DOK6: variants seen among roughly 807,000 people sequenced by gnomAD.
DOK6 encodes the protein downstream of tyrosine kinase 6.
A neutral mutation model predicts 44.0 loss-of-function variants in DOK6; 22 were observed. The ratio of observed to expected loss-of-function variants is 0.50; its 90% CI spans 0.36 to 0.71. DOK6 has a LOEUF of 0.71. DOK6 is among the 30% of genes least tolerant of loss of function. The pLI is 0.00. For missense variants in DOK6, 340 were observed against 416.4 expected (o/e 0.82, Z 1.60); for synonymous variants, 166 against 145.5 (o/e 1.14, Z -1.01).
chr18:69,736,736 T>C (rs946832542), intron 5 of DOK6, among the ~76,000 whole-genome samples: 3 of 152,236 alleles, frequency 2.0e-5, no homozygotes, highest in Non-Finnish European at 4.4e-5. Flanking sequence ...ATTTATAATA[T>C]TAGTTTTATA....
chr18:69,831,168 G>A (rs1368626613), intron 7 of DOK6: 1 of 152,218 alleles, frequency 6.6e-6, no homozygotes, highest in Non-Finnish European at 1.5e-5. Flanking sequence ...AAAGCCAATG[G>A]TGTAGGTCCC....
intron 7 of DOK6, among the ~76,000 whole-genome samples, chr18:69,783,655 A>G (rs1980344582): frequency 6.6e-6 from 1 of 152,074 alleles, no homozygotes; most frequent in African/African-American, 2.4e-5. Context: ...ATCACTTTGG[A>G]TTTGTATTTT....
At chr18:69,792,440 T>A (rs910474772) in intron 7 of DOK6, among the ~76,000 whole-genome samples, 4 of 152,094 alleles carry the variant, frequency 2.6e-5, no homozygotes, top group Admixed American at 2.0e-4. Flanking sequence ...TTACGGTTTT[T>A]TTTGTAGAGA....
intron 4 of DOK6, among the ~76,000 whole-genome samples, chr18:69,679,558 A>G (rs1986000244): frequency 6.6e-6 from 1 of 152,234 alleles, no homozygotes; most frequent in Non-Finnish European, 1.5e-5. Context: ...AGCAGAGTCC[A>G]TAATCATGCT....
rs140913951 is a variant in DOK6 at position 69,730,029 on chromosome 18, G to A, written c.600-8936G>A. 5.1e-3 allele frequency among the ~76,000 whole-genome samples: 775 copies of A among 152,240 alleles called. 5 individuals are homozygous for A. Among genetic ancestry groups the A allele is most frequent in the East Asian group, 9.4e-3 (49 of 5,188 alleles). Reference sequence around the variant, plus strand: ...GCTTAGAGAAAGGATAAATCAATACGGAAGGAAAAGAGGAAGATAATGAAT... The same window carrying A: ...GCTTAGAGAAAGGATAAATCAATACAGAAGGAAAAGAGGAAGATAATGAAT... On this transcript the variant is annotated intron_variant, in intron 5 of 7. Coordinates refer to ENST00000382713, the MANE Select transcript of DOK6 (RefSeq NM_152721.6).
At chr18:69,478,921 T>C (rs8094725) in intron 1 of DOK6, among the ~76,000 whole-genome samples, 36,156 of 152,106 alleles carry the variant, frequency 0.24, 4,619 homozygotes, top group East Asian at 0.53. Flanking sequence ...TTTTCAGTTA[T>C]AGAAAAAGAC....
intron 1 of DOK6, among the ~76,000 whole-genome samples, chr18:69,534,911 A>G (rs1159374279): frequency 6.6e-6 from 1 of 152,082 alleles, no homozygotes; most frequent in African/African-American, 2.4e-5. Context: ...TTTGAACGTT[A>G]GGCTCACTTC....
intron 1 of DOK6, among the ~76,000 whole-genome samples, chr18:69,517,855 T>C (rs1172226401): frequency 2.0e-5 from 3 of 152,238 alleles, no homozygotes; most frequent in Admixed American, 1.3e-4. Context: ...CTGTCCTCTG[T>C]CCCAATTTAA....
chr18:69,798,699 TTAAA>T (rs1980818399), intron 7 of DOK6, among the ~76,000 whole-genome samples: 1 of 151,836 alleles, frequency 6.6e-6, no homozygotes, highest in South Asian at 2.1e-4. Context: ...TTAGAATCTC[TTAAA>T]TAAACTAAAT....
At chr18:69,539,655 T>C (rs1433634435) in intron 1 of DOK6, among the ~76,000 whole-genome samples, 2 of 152,146 alleles carry the variant, frequency 1.3e-5, no homozygotes, top group African/African-American at 4.8e-5. Flanking sequence ...CCATTGTTTA[T>C]TTAATAAATT....
At chr18:69,608,241 T>G (rs1239454152) in intron 3 of DOK6, among the ~76,000 whole-genome samples, 1 of 152,234 alleles carries the variant, frequency 6.6e-6, no homozygotes, top group Non-Finnish European at 1.5e-5. Context: ...TTTCCAGTTT[T>G]CCAACACTAT....
chr18:69,566,437 A>G (rs1431198753), intron 2 of DOK6, among the ~76,000 whole-genome samples: 3 of 152,164 alleles, frequency 2.0e-5, no homozygotes, highest in Non-Finnish European at 4.4e-5. Context: ...CACCCGGCCC[A>G]GTTTATTTTT....
At chr18:69,441,825 C>T (rs1231709416) in intron 1 of DOK6, among the ~76,000 whole-genome samples, 2 of 151,978 alleles carry the variant, frequency 1.3e-5, no homozygotes, top group Non-Finnish European at 2.9e-5. Context: ...AGGTAGAACA[C>T]CGGTGTGCAT....
At chr18:69,783,719 C>G (rs560100301) in intron 7 of DOK6, among the ~76,000 whole-genome samples, 2 of 152,118 alleles carry the variant, frequency 1.3e-5, no homozygotes, top group East Asian at 3.9e-4. Flanking sequence ...TATATTTAAG[C>G]ACTTGATTTA....
At chr18:69,416,848 T>G (rs999972016) in intron 1 of DOK6, among the ~76,000 whole-genome samples, 1 of 152,218 alleles carries the variant, frequency 6.6e-6, no homozygotes, top group East Asian at 1.9e-4. Flanking sequence ...ACTGTTTCAA[T>G]GTACTGTTTT....
intron 1 of DOK6, among the ~76,000 whole-genome samples, chr18:69,488,189 C>A (rs1235596221): frequency 2.6e-5 from 4 of 152,154 alleles, no homozygotes; most frequent in African/African-American, 9.7e-5. Flanking sequence ...TCTTGTGTCT[C>A]TTCTTAGAAG....
chr18:69,466,244 C>G (rs968218858), intron 1 of DOK6, among the ~76,000 whole-genome samples: 1 of 152,172 alleles, frequency 6.6e-6, no homozygotes, highest in Non-Finnish European at 1.5e-5. Context: ...GTACATTCCA[C>G]ATATGAGTGA....
At chr18:69,468,555 G>C (rs142739736) in intron 1 of DOK6, among the ~76,000 whole-genome samples, 13 of 152,314 alleles carry the variant, frequency 8.5e-5, no homozygotes, top group African/African-American at 3.1e-4. Flanking sequence ...TTGGTATATA[G>C]ATTTCCTACA....
intron 1 of DOK6, among the ~76,000 whole-genome samples, chr18:69,535,417 A>C (rs550429213): frequency 4.6e-5 from 7 of 152,128 alleles, no homozygotes; most frequent in African/African-American, 1.7e-4. Context: ...TGTAATTCTA[A>C]TAATTTTCAA....
Sources: gnomAD v4.1 joint callset for allele counts (sites outside exome capture counted in the v4.1 genomes callset) on GRCh38, gnomAD v4.1.1 for gene constraint, MANE v1.5 for transcripts, NCBI Gene and HGNC (gene_info 2026-07-23, HGNC 2026-07-21) for gene names.